The following TG variants were observed in gnomAD, a reference collection of about 807,000 sequenced individuals.
TG encodes the protein thyroglobulin.
TG carries 270 observed loss-of-function variants against 324.7 expected under a neutral mutation model. The observed-to-expected ratio is 0.83, with a 90% CI of 0.75 to 0.92. The LOEUF (loss-of-function observed/expected upper bound fraction) is 0.92, where lower values mean the gene tolerates loss of function less well. Among genes scored for constraint, TG ranks in the 40% least tolerant of loss-of-function variants. The pLI, the probability that TG is intolerant of heterozygous loss-of-function variation, is 0.00. For synonymous variants in TG, 1,401 were observed against 1,327.0 expected (o/e 1.06, Z -1.21); for missense variants, 3,591 against 3,456.4 (o/e 1.04, Z -0.98).
At chr8:133,058,764 A>C (rs976467377) in intron 41 of TG, among the ~76,000 whole-genome samples, 7 of 152,372 alleles carry the variant, frequency 4.6e-5, no homozygotes, top group Non-Finnish European at 1.0e-4. Flanking sequence ...TGCTGTCCTG[A>C]GAGCACATGC....
intron 35 of TG, among the ~76,000 whole-genome samples, chr8:132,990,161 TA>T (rs1470020212): frequency 2.4e-4 from 12 of 49,188 alleles, no homozygotes; most frequent in Admixed American, 1.7e-3. Flanking sequence ...TATACAATTA[TA>T]TATATATATA....
At chr8:132,928,031 A>T (rs891490060) in intron 22 of TG, among the ~76,000 whole-genome samples, 2 of 152,204 alleles carry the variant, frequency 1.3e-5, no homozygotes, top group Non-Finnish European at 2.9e-5. Flanking sequence ...GAAGGCTTAG[A>T]GCATGCTGGG....
chr8:133,031,333 G>T (rs578118792), intron 41 of TG, among the ~76,000 whole-genome samples: 1 of 152,100 alleles, frequency 6.6e-6, no homozygotes, highest in Admixed American at 6.6e-5. Context: ...ATTCCTTTGC[G>T]CAGAGGGACC....
chr8:132,966,591 C>A lies in TG; in HGVS notation c.5580C>A (p.Asp1860Glu). 1 of 1,614,098 alleles carries A rather than the reference C, an allele frequency of 6.2e-7. No homozygotes were observed. Among genetic ancestry groups the A allele is most frequent in the Non-Finnish European group, 8.5e-7 (1 of 1,180,006 alleles). Reference sequence around the variant, plus strand: ...CAACAGAACTTTTCTCCCCTGTGGACCTCAACCAGGTCATTGTCAATGGAA... The same window carrying A: ...CAACAGAACTTTTCTCCCCTGTGGAACTCAACCAGGTCATTGTCAATGGAA... ...GLTTELFSPVDLNQVIVNGNQ... is the reference protein window; with the variant it reads ...GLTTELFSPVELNQVIVNGNQ... The change falls in exon 30 of 48, where the codon GAC (aspartate) becomes GAA (glutamate). Residue 1860 changes from aspartate to glutamate, a missense_variant. Asp to Glu is a conservative substitution (Grantham distance 45, BLOSUM62 2). Transcript: ENST00000220616.
At position 132,966,698 on chromosome 8, in the gene TG, G is replaced by A. The variant is rs374620255; in HGVS notation, c.5686+1G>A. 9 of 1,613,854 alleles carry A rather than the reference G, an allele frequency of 5.6e-6. No individual in the cohort carries two copies. The highest frequency in any genetic ancestry group is 1.6e-4 in the Middle Eastern group (1 of 6,084). The stretch of plus-strand genomic sequence containing the variant: ...CAGGCAAACCTATGGTGCCTTTCTC[G>A]TAAGTATCCTTAGAACTCATTCTTC... On this transcript the variant is annotated splice_donor_variant, in intron 30 of 47. Transcript: ENST00000220616. LOFTEE classifies it high-confidence loss of function.
intron 41 of TG, among the ~76,000 whole-genome samples, chr8:133,082,167 G>A (rs921901672): frequency 1.3e-5 from 2 of 152,160 alleles, no homozygotes; most frequent in East Asian, 1.9e-4. Flanking sequence ...TTGTCAGGCC[G>A]CATGAAGGGA....
chr8:133,011,869 T>A, intron 35 of TG, 32 bp from the exon 36 acceptor site: 1 of 1,614,100 alleles, frequency 6.2e-7, no homozygotes. Flanking sequence ...AGGTGACAAC[T>A]GCATGTGACT....
intron 41 of TG, chr8:133,045,067 A>G: frequency 1.9e-6 from 3 of 1,614,182 alleles, no homozygotes; most frequent in Non-Finnish European, 2.5e-6. Context: ...CAGACGGAAA[A>G]TGCGGTAATG....
intron 14 of TG, among the ~76,000 whole-genome samples, chr8:132,899,324 G>A (rs1817590549): frequency 1.3e-5 from 2 of 152,172 alleles, no homozygotes; most frequent in Admixed American, 6.5e-5. Context: ...CCTAGCTCCC[G>A]GGGTGATTGT....
intron 41 of TG, among the ~76,000 whole-genome samples, chr8:133,079,770 A>AGGT (rs1337423101): frequency 6.6e-6 from 1 of 152,188 alleles, no homozygotes; most frequent in Non-Finnish European, 1.5e-5. Flanking sequence ...TCGATGGAGA[A>AGGT]AACCAAGTGT....
rs1829195900 is a variant in TG, at chr8:132,969,684, G to A, written c.5975+115G>A. Reference sequence around the variant, plus strand: ...ACCCAGCACTTTGGGAGGCCGAGCTGGGCTGATCACGAGGTCAAGAGATCA... The same window carrying A: ...ACCCAGCACTTTGGGAGGCCGAGCTAGGCTGATCACGAGGTCAAGAGATCA... On this transcript the variant is annotated intron_variant, in intron 32 of 47. Transcript: ENST00000220616. The A allele has an allele frequency of 3.8e-6, 3 of 790,670 alleles. No individual in the cohort carries two copies. In the Admixed American group the frequency reaches 5.8e-5, roughly 15 times the overall value. The allele number at this position is 790,670 out of a possible 1,614,324, so 49.0% of individuals were successfully genotyped here.
Position 132,893,168 on chromosome 8 carries a change from GGT to G in TG, c.2762-512_2762-511del, listed in dbSNP as rs569385598. Reference sequence around the variant, plus strand: ...ATTTGTGTGTATGTGTGGTGAGTGTGGTGTGTGTGTGGTGTGTATGTGAGTGT... The same window carrying G: ...ATTTGTGTGTATGTGTGGTGAGTGTGGTGTGTGTGGTGTGTATGTGAGTGT... On this transcript the variant is annotated intron_variant, in intron 10 of 47. Coordinates refer to ENST00000220616, the MANE Select transcript of TG (RefSeq NM_003235.5). Among the ~76,000 whole-genome samples the G allele has an allele frequency of 4.4e-3, 600 of 135,258 alleles. 8 individuals carry two copies. The highest frequency in any genetic ancestry group is 0.016 in the African/African-American group (566 of 36,196). The allele number at this position is 135,258 out of a possible 152,430, so 88.7% of individuals were successfully genotyped here.
At chr8:133,115,771 G>C (rs1366689068) in intron 44 of TG, among the ~76,000 whole-genome samples, 1 of 152,246 alleles carries the variant, frequency 6.6e-6, no homozygotes, top group Non-Finnish European at 1.5e-5. Context: ...CTGACTCTTG[G>C]CCTGGCTGGG....
intron 29 of TG, chr8:132,964,852 CAGG>C: frequency 2.9e-6 from 2 of 699,028 alleles, no homozygotes; most frequent in East Asian, 5.4e-5. Flanking sequence ...AGTGAGAATG[CAGG>C]AGAAGGAATG....
At chr8:132,956,171 A>G (rs1826830945) in intron 27 of TG, among the ~76,000 whole-genome samples, 1 of 152,202 alleles carries the variant, frequency 6.6e-6, no homozygotes. Context: ...AAGTCTGTTT[A>G]GAAAAACTAA....
At chr8:133,027,538 G>A (rs1789987802) in intron 40 of TG, among the ~76,000 whole-genome samples, 1 of 152,252 alleles carries the variant, frequency 6.6e-6, no homozygotes, top group African/African-American at 2.4e-5. Context: ...CCCCTGGGCA[G>A]TGATGGGGAC....
intron 26 of TG, among the ~76,000 whole-genome samples, chr8:132,945,006 G>T (rs1825027315): frequency 6.6e-6 from 1 of 152,162 alleles, no homozygotes; most frequent in Admixed American, 6.5e-5. Flanking sequence ...GGAGGGAGAG[G>T]CCAGGCCACA....
intron 41 of TG, among the ~76,000 whole-genome samples, chr8:133,045,387 CTTTTTTTT>C (rs5895172): frequency 1.5e-5 from 1 of 65,868 alleles, no homozygotes; most frequent in African/African-American, 6.7e-5. Context: ...ATCCTCTTTG[CTTTTTTTT>C]TTTTTTTTTT....
intron 25 of TG, 47 bp downstream of exon 25, chr8:132,935,911 G>C (rs199829293): frequency 2.6e-5 from 38 of 1,454,882 alleles, no homozygotes; most frequent in Admixed American, 1.0e-4. Context: ...GGCTTCACAC[G>C]GTCATGTTTG....
Sources: gnomAD v4.1 joint callset for allele counts (sites outside exome capture counted in the v4.1 genomes callset) on GRCh38, gnomAD v4.1.1 for gene constraint, MANE v1.5 for transcripts, NCBI Gene and HGNC (gene_info 2026-07-23, HGNC 2026-07-21) for gene names.